The following FHIT variants were observed in gnomAD, a reference collection of about 807,000 sequenced individuals.
FHIT encodes bis(5'-adenosyl)-triphosphatase.
Under a neutral mutation model 17.9 loss-of-function variants are expected in FHIT, and 19 were observed. That is an observed-to-expected ratio of 1.06 (90% CI 0.74 to 1.56). FHIT has a LOEUF of 1.56. Ranked by LOEUF, FHIT falls within the 40% of genes most tolerant of loss-of-function variation. The pLI is 0.00. For missense variants in FHIT, 248 were observed against 189.2 expected, an observed-to-expected ratio of 1.31 and a Z score of -1.82; for synonymous variants, 81 against 69.7, an observed-to-expected ratio of 1.16 and a Z score of -0.81.
chr3:60,215,564 A>AAAAATAAAAT (rs140145289), intron 5 of FHIT, among the ~76,000 whole-genome samples: 1 of 152,178 alleles, frequency 6.6e-6, no homozygotes, highest in Non-Finnish European at 1.5e-5. Context: ...CTCCATCTCA[A>AAAAATAAAAT]AAAATAAAAT....
At position 60,064,156 on chromosome 3, in the gene FHIT, T is replaced by C. The variant is rs77003991; in HGVS notation, c.104-50004A>G. ...AAGTTTTCATTTTCCTCTTATACCT[T>C]TCCTTCCTGCCTGAAGTTATAGGTA... On this transcript the variant is annotated intron_variant, in intron 5 of 9. Transcript: ENST00000492590. 9.4e-3 allele frequency among the ~76,000 whole-genome samples: 1,432 copies of C among 152,304 alleles called. 17 individuals carry two copies. The highest frequency in any genetic ancestry group is 0.033 in the African/African-American group (1,361 of 41,568).
intron 5 of FHIT, among the ~76,000 whole-genome samples, chr3:60,397,542 A>T (rs1701496003): frequency 6.6e-6 from 1 of 152,202 alleles, no homozygotes; most frequent in Non-Finnish European, 1.5e-5. Flanking sequence ...ATGAGACAGC[A>T]GTGGATCAAG....
intron 5 of FHIT, among the ~76,000 whole-genome samples, chr3:60,440,060 T>A (rs1016316172): frequency 6.6e-6 from 1 of 152,084 alleles, no homozygotes. Context: ...TAAGCCAACC[T>A]AGCCCCCAGA....
chr3:59,991,373 G>C (rs913084354), intron 7 of FHIT, among the ~76,000 whole-genome samples: 2 of 152,014 alleles, frequency 1.3e-5, no homozygotes, highest in Non-Finnish European at 2.9e-5. Flanking sequence ...TGCTGTGTGT[G>C]TTTGACTTGT....
At chr3:60,691,013 G>A (rs1472370765) in intron 4 of FHIT, among the ~76,000 whole-genome samples, 2 of 152,130 alleles carry the variant, frequency 1.3e-5, no homozygotes, top group African/African-American at 4.8e-5. Flanking sequence ...CTGTGTGTGT[G>A]AAGGATTTTT....
chr3:59,798,377 G>A (rs2106961725), intron 8 of FHIT, among the ~76,000 whole-genome samples: 1 of 152,292 alleles, frequency 6.6e-6, no homozygotes, highest in East Asian at 1.9e-4. Flanking sequence ...GATAGCAGGA[G>A]GAAAGAAGAT....
intron 8 of FHIT, among the ~76,000 whole-genome samples, chr3:59,836,067 C>T (rs985802602): frequency 4.6e-5 from 7 of 152,214 alleles, no homozygotes; most frequent in African/African-American, 1.4e-4. Context: ...ATGAATGTTA[C>T]TAAATGCAGC....
intron 5 of FHIT, among the ~76,000 whole-genome samples, chr3:60,174,454 T>C (rs1701574928): frequency 6.6e-6 from 1 of 152,176 alleles, no homozygotes; most frequent in South Asian, 2.1e-4. Context: ...TTTATATGCA[T>C]CTTATATTTC....
At chr3:60,718,267 T>C (rs1372459975) in intron 4 of FHIT, among the ~76,000 whole-genome samples, 3 of 152,236 alleles carry the variant, frequency 2.0e-5, no homozygotes, top group Non-Finnish European at 2.9e-5. Flanking sequence ...TTTCATGTTA[T>C]GCACTTAACA....
intron 4 of FHIT, among the ~76,000 whole-genome samples, chr3:60,629,144 G>A (rs972579049): frequency 2.0e-5 from 3 of 152,060 alleles, no homozygotes; most frequent in Admixed American, 6.6e-5. Flanking sequence ...AGGGCAGAGG[G>A]AATGAGAAAT....
chr3:60,016,577 A>C (rs1394042354), intron 5 of FHIT, among the ~76,000 whole-genome samples: 1 of 152,204 alleles, frequency 6.6e-6, no homozygotes, highest in African/African-American at 2.4e-5. Context: ...AAGAGTTCAC[A>C]TTCTAATGTC....
chr3:61,001,933 A>G (rs2031113135), intron 3 of FHIT, among the ~76,000 whole-genome samples: 2 of 151,880 alleles, frequency 1.3e-5, no homozygotes, highest in African/African-American at 4.9e-5. Flanking sequence ...AACTGGAAAA[A>G]GGGTACACAG....
chr3:59,992,223 A>C (rs1699306536), intron 7 of FHIT, among the ~76,000 whole-genome samples: 1 of 151,952 alleles, frequency 6.6e-6, no homozygotes, highest in Non-Finnish European at 1.5e-5. Flanking sequence ...GTTACTTTAA[A>C]CCTAACCAAA....
At chr3:60,028,135 A>G (rs939952725) in intron 5 of FHIT, among the ~76,000 whole-genome samples, 2 of 151,844 alleles carry the variant, frequency 1.3e-5, no homozygotes, top group Non-Finnish European at 2.9e-5. Context: ...ACATGCCCCA[A>G]GGTGGGTGGC....
intron 3 of FHIT, among the ~76,000 whole-genome samples, chr3:60,971,714 A>C (rs934835277): frequency 6.6e-6 from 1 of 152,188 alleles, no homozygotes; most frequent in Non-Finnish European, 1.5e-5. Flanking sequence ...TGTTTTTGGT[A>C]AGATTACCTC....
rs148711456 is a variant in FHIT, at chr3:60,487,994, T to G, written c.103+48866A>C. ...ATTAAAGGTTCTTTATTCAGCTATT[T>G]ACAAGACCATCTGTGAAGCCAACAT... On this transcript the variant is annotated intron_variant, in intron 5 of 9. Transcript: ENST00000492590. Among the ~76,000 whole-genome samples, 91 of 152,298 alleles carry G rather than the reference T, an allele frequency of 6.0e-4. 1 individual carries two copies. In the East Asian group the frequency reaches 0.016, roughly 27 times the overall value.
chr3:60,533,574 G>A (rs964555014), intron 5 of FHIT, among the ~76,000 whole-genome samples: 1 of 152,214 alleles, frequency 6.6e-6, no homozygotes, highest in African/African-American at 2.4e-5. Flanking sequence ...AAGGAAGTGA[G>A]TGTCACAAAC....
chr3:60,334,603 C>A (rs1307984457), intron 5 of FHIT, among the ~76,000 whole-genome samples: 1 of 152,140 alleles, frequency 6.6e-6, no homozygotes, highest in Admixed American at 6.6e-5. Context: ...ATGGCCAACA[C>A]AGTGAAATGC....
At chr3:59,885,729 T>C (rs1306140544) in intron 8 of FHIT, among the ~76,000 whole-genome samples, 3 of 152,278 alleles carry the variant, frequency 2.0e-5, no homozygotes, top group East Asian at 3.9e-4. Context: ...CTTCTTTCCA[T>C]GTAAGCCTCA....
Sources: gnomAD v4.1 joint callset for allele counts (sites outside exome capture counted in the v4.1 genomes callset) on GRCh38, gnomAD v4.1.1 for gene constraint, MANE v1.5 for transcripts, NCBI Gene and HGNC (gene_info 2026-07-23, HGNC 2026-07-21) for gene names.